Variants in HDAC9 observed in about 807,000 individuals in gnomAD.
HDAC9 encodes histone deacetylase 9.
Under a neutral mutation model 139.4 loss-of-function variants are expected in HDAC9, and 41 were observed. That is an observed-to-expected ratio of 0.29 (90% CI 0.23 to 0.38). The LOEUF is 0.38. HDAC9 is among the 10% of genes least tolerant of loss of function. The pLI, the probability that HDAC9 is intolerant of heterozygous loss-of-function variation, is 1.00. For missense variants in HDAC9, 1,147 were observed against 1,297.0 expected (o/e 0.88, Z 1.78); for synonymous variants, 517 against 476.2 (o/e 1.09, Z -1.12).
intron 12 of HDAC9, among the ~76,000 whole-genome samples, chr7:18,695,808 C>T (rs568713621): frequency 1.4e-4 from 21 of 152,230 alleles, no homozygotes; most frequent in African/African-American, 5.1e-4. Flanking sequence ...AAGAGTGTCT[C>T]AGTTTTTCAG....
chr7:18,634,748 A>C lies in HDAC9; in HGVS notation c.912+6A>C. On this transcript the variant is annotated splice_donor_region_variant and intron_variant, in intron 8 of 25. Coordinates refer to ENST00000686413, the MANE Select transcript of HDAC9 (RefSeq NM_178425.4). Reference sequence around the variant, plus strand: ...CCCCTACCCCTCATGCCGAGGTAAGACCCTTATTATTTTGTTTCTTTTAAA... The same window carrying C: ...CCCCTACCCCTCATGCCGAGGTAAGCCCCTTATTATTTTGTTTCTTTTAAA... 2.6e-6 allele frequency: 4 copies of C among 1,548,402 alleles called. No individual in the cohort carries two copies. Among genetic ancestry groups the C allele is most frequent in the Non-Finnish European group, 2.6e-6 (3 of 1,134,856 alleles).
At chr7:18,390,070 A>ACG (rs1274081497) in intron 1 of HDAC9, among the ~76,000 whole-genome samples, 1 of 151,384 alleles carries the variant, frequency 6.6e-6, no homozygotes, top group Non-Finnish European at 1.5e-5. Flanking sequence ...ACACACACAC[A>ACG]CACACACACA....
At chr7:18,693,179 A>G (rs1354256471) in intron 12 of HDAC9, among the ~76,000 whole-genome samples, 1 of 152,078 alleles carries the variant, frequency 6.6e-6, no homozygotes, top group African/African-American at 2.4e-5. Context: ...GGACTCACAG[A>G]AAACAATACA....
intron 1 of HDAC9, among the ~76,000 whole-genome samples, chr7:18,331,521 T>G (rs1327042959): frequency 6.6e-6 from 1 of 151,642 alleles, no homozygotes; most frequent in Non-Finnish European, 1.5e-5. Context: ...GTAGTATCGC[T>G]TGCAGAATGT....
At chr7:18,584,538 A>T (rs1828865312) in intron 2 of HDAC9, among the ~76,000 whole-genome samples, 2 of 152,224 alleles carry the variant, frequency 1.3e-5, no homozygotes, top group African/African-American at 2.4e-5. Context: ...TTCTCAGATC[A>T]TCAAATCTTT....
At chr7:18,863,232 C>G (rs923415679) in intron 21 of HDAC9, among the ~76,000 whole-genome samples, 14 of 152,110 alleles carry the variant, frequency 9.2e-5, no homozygotes, top group African/African-American at 3.4e-4. Context: ...AAAATCTGAC[C>G]TCCAAACACG....
intron 1 of HDAC9, among the ~76,000 whole-genome samples, chr7:18,369,939 C>T (rs1784468921): frequency 6.6e-6 from 1 of 152,084 alleles, no homozygotes; most frequent in African/African-American, 2.4e-5. Flanking sequence ...TTCTCATCAC[C>T]TGCCAATGCA....
chr7:18,895,816 A>T (rs1308600826), intron 22 of HDAC9, among the ~76,000 whole-genome samples: 1 of 151,990 alleles, frequency 6.6e-6, no homozygotes, highest in South Asian at 2.1e-4. Context: ...GTTATACTCA[A>T]TTTCCAAGAG....
intron 2 of HDAC9, among the ~76,000 whole-genome samples, chr7:18,180,259 A>T (rs891558247): frequency 2.0e-5 from 3 of 150,748 alleles, no homozygotes; most frequent in Non-Finnish European, 4.4e-5. Flanking sequence ...ACACACACAC[A>T]CACACACACA....
chr7:18,785,631 T>C (rs1189339667), intron 16 of HDAC9, among the ~76,000 whole-genome samples: 1 of 152,186 alleles, frequency 6.6e-6, no homozygotes, highest in Non-Finnish European at 1.5e-5. Flanking sequence ...GAAAAAACAT[T>C]CTTGCAGGTC....
chr7:18,324,943 G>C (rs191710534), intron 1 of HDAC9, among the ~76,000 whole-genome samples: 1 of 152,066 alleles, frequency 6.6e-6, no homozygotes, highest in Non-Finnish European at 1.5e-5. Flanking sequence ...CTCTAATAAG[G>C]TATGAAAGTT....
At chr7:18,544,965 T>G (rs1814291749) in intron 2 of HDAC9, among the ~76,000 whole-genome samples, 1 of 152,182 alleles carries the variant, frequency 6.6e-6, no homozygotes, top group Admixed American at 6.5e-5. Flanking sequence ...TTGTCAAAAC[T>G]GAGCGGTGGT....
Position 18,660,717 on chromosome 7 carries a change from A to T in HDAC9, c.1468-5496A>T, listed in dbSNP as rs367695176. 2.6e-5 allele frequency among the ~76,000 whole-genome samples: 4 copies of T among 152,242 alleles called. No individual in the cohort carries two copies. In the East Asian group the frequency reaches 7.8e-4, roughly 30 times the overall value. On this transcript the variant is annotated intron_variant, in intron 11 of 25. Transcript: ENST00000686413. ...AAGAAGGAGCCAGTCAGGCATGTAAAGATTTGAGGGAGTAGAGAGAGCACG... is the reference window on the plus strand; with the variant it reads ...AAGAAGGAGCCAGTCAGGCATGTAATGATTTGAGGGAGTAGAGAGAGCACG...
chr7:18,094,467 G>A (rs1359185558), intron 1 of HDAC9, among the ~76,000 whole-genome samples: 1 of 146,762 alleles, frequency 6.8e-6, no homozygotes, highest in Non-Finnish European at 1.5e-5. Context: ...TAGGTGCAGG[G>A]TCTTGCTCTA....
At chr7:18,986,745 C>G (rs1239953765) in intron 25 of HDAC9, among the ~76,000 whole-genome samples, 1 of 152,060 alleles carries the variant, frequency 6.6e-6, no homozygotes, top group African/African-American at 2.4e-5. Context: ...CTTTTATTTC[C>G]TTGAGCAGTG....
intron 12 of HDAC9, among the ~76,000 whole-genome samples, chr7:18,712,250 AT>A (rs1156291559): frequency 6.6e-6 from 1 of 152,080 alleles, no homozygotes; most frequent in Non-Finnish European, 1.5e-5. Flanking sequence ...ATGTTGACAA[AT>A]TTTTCATTAA....
intron 11 of HDAC9, among the ~76,000 whole-genome samples, chr7:18,663,464 C>A (rs926479324): frequency 5.3e-5 from 8 of 151,956 alleles, no homozygotes; most frequent in African/African-American, 1.9e-4. Flanking sequence ...CTCCCCCTCA[C>A]CCCCCAGTAA....
intron 17 of HDAC9, among the ~76,000 whole-genome samples, chr7:18,821,251 C>T (rs978914321): frequency 1.2e-4 from 18 of 152,192 alleles, no homozygotes; most frequent in African/African-American, 4.3e-4. Context: ...ATCATATTGA[C>T]CCTTAAGTTT....
At chr7:18,637,204 A>G (rs1241258640) in intron 8 of HDAC9, among the ~76,000 whole-genome samples, 1 of 152,038 alleles carries the variant, frequency 6.6e-6, no homozygotes. Flanking sequence ...ATTTAGCATG[A>G]TGATTACCTT....
Sources: allele counts gnomAD v4.1 joint callset (sites outside exome capture counted in the v4.1 genomes callset), GRCh38; gene constraint gnomAD v4.1.1; transcripts MANE v1.5; gene names NCBI Gene and HGNC (gene_info 2026-07-23, HGNC 2026-07-21).